Variants in MFAP3L observed in about 807,000 individuals in gnomAD.
MFAP3L encodes microfibrillar-associated protein 3-like.
A neutral mutation model predicts 20.0 loss-of-function variants in MFAP3L; 5 were observed. The ratio of observed to expected loss-of-function variants is 0.25; its 90% confidence interval spans 0.13 to 0.53. MFAP3L has a LOEUF of 0.53. Ranked by LOEUF, MFAP3L falls within the 20% of genes least tolerant of loss-of-function variation. The pLI is 0.96. For missense variants in MFAP3L, 409 were observed against 527.5 expected (o/e 0.78, Z 2.20); for synonymous variants, 219 against 213.0 (o/e 1.03, Z -0.25).
At chr4:170,022,867 C>T (rs1165709622) in intron 1 of MFAP3L, among the ~76,000 whole-genome samples, 1 of 152,176 alleles carries the variant, frequency 6.6e-6, no homozygotes, top group African/African-American at 2.4e-5. Flanking sequence ...TGCAGAGTCT[C>T]TGACTTTTGC....
intron 1 of MFAP3L, among the ~76,000 whole-genome samples, chr4:170,019,531 G>A (rs144274656): frequency 4.6e-5 from 7 of 152,262 alleles, no homozygotes; most frequent in South Asian, 4.1e-4. Context: ...GCAACAGAGC[G>A]AGACCTCATC....
At chr4:169,996,005 G>A (rs544438422) in intron 2 of MFAP3L, among the ~76,000 whole-genome samples, 2 of 51,330 alleles carry the variant, frequency 3.9e-5, no homozygotes, top group South Asian at 7.7e-4. Context: ...CTGTAGCCCC[G>A]CCACCCCCCA....
intron 1 of MFAP3L, among the ~76,000 whole-genome samples, chr4:170,023,663 G>T (rs545055370): frequency 6.6e-6 from 1 of 152,302 alleles, no homozygotes; most frequent in East Asian, 1.9e-4. Context: ...TAAGTGCTGG[G>T]TTAGATGCCA....
intron 2 of MFAP3L, among the ~76,000 whole-genome samples, chr4:169,996,723 G>T (rs779784924): frequency 2.6e-5 from 4 of 152,168 alleles, no homozygotes; most frequent in Non-Finnish European, 4.4e-5. Context: ...CTGGATTACA[G>T]GAGGACCCCC....
intron 2 of MFAP3L, among the ~76,000 whole-genome samples, chr4:170,004,801 C>A (rs1262747288): frequency 2.6e-5 from 4 of 152,094 alleles, no homozygotes; most frequent in African/African-American, 9.7e-5. Context: ...TCTTTTCACT[C>A]CCCCACCCCA....
intron 1 of MFAP3L, among the ~76,000 whole-genome samples, chr4:170,019,681 G>C (rs184471895): frequency 6.6e-6 from 1 of 152,294 alleles, no homozygotes; most frequent in Admixed American, 6.5e-5. Flanking sequence ...CCCAGAAGTG[G>C]ACAATTCTGG....
intron 1 of MFAP3L, among the ~76,000 whole-genome samples, chr4:170,015,095 T>C (rs1160047522): frequency 6.6e-6 from 1 of 152,190 alleles, no homozygotes; most frequent in Non-Finnish European, 1.5e-5. Context: ...AGAGATGGGT[T>C]GGGCTCTGAG....
At position 169,990,047 on chromosome 4, in the gene MFAP3L, C is replaced by T. The variant is rs1737547757; in HGVS notation, c.*1331G>A. ...GTTTGGTTCTGTGTGACAGTGATAC[C>T]ATTTCAACAGTGCTCAGAGCTCATG... On this transcript the variant is annotated 3_prime_UTR_variant, in exon 3 of 3. Coordinates refer to ENST00000361618, the MANE Select transcript of MFAP3L (RefSeq NM_021647.8). 1 of 152,162 alleles carries T rather than the reference C, an allele frequency of 6.6e-6. No homozygotes were observed. The highest frequency in any genetic ancestry group is 2.4e-5 in the African/African-American group (1 of 41,430). The allele number at this position is 152,162 out of a possible 1,614,324, so 9.4% of individuals were successfully genotyped here.
At chr4:170,007,481 G>T (rs1739119885) in intron 1 of MFAP3L, among the ~76,000 whole-genome samples, 1 of 152,138 alleles carries the variant, frequency 6.6e-6, no homozygotes, top group African/African-American at 2.4e-5. Flanking sequence ...TGTGTCTTGG[G>T]CAAGTACAAG....
intron 1 of MFAP3L, among the ~76,000 whole-genome samples, chr4:170,011,138 A>G (rs1224005800): frequency 1.3e-5 from 2 of 152,174 alleles, no homozygotes; most frequent in African/African-American, 4.8e-5. Context: ...GCCTTCCACC[A>G]TGATTCTGAG....
chr4:169,990,460 T>G lies in MFAP3L; in HGVS notation c.*918A>C, dbSNP rs1004991872. 6.6e-6 allele frequency: 1 copy of G among 152,632 alleles called. No homozygotes were observed. Among genetic ancestry groups the G allele is most frequent in the Non-Finnish European group, 1.5e-5 (1 of 68,036 alleles). The allele number at this position is 152,632 out of a possible 1,614,324, so 9.5% of individuals were successfully genotyped here. ...GAATCTGATGTCTTTGGAAGCAATA[T>G]ATTTTCCAGGTAAAGAATCAGTCTT... On this transcript the variant is annotated 3_prime_UTR_variant, in exon 3 of 3. Transcript: ENST00000361618.
At chr4:170,023,786 T>C (rs918752631) in intron 1 of MFAP3L, among the ~76,000 whole-genome samples, 4 of 152,246 alleles carry the variant, frequency 2.6e-5, no homozygotes, top group African/African-American at 9.6e-5. Context: ...ACAATATTTA[T>C]TTGTATTCCA....
At chr4:170,022,359 C>T (rs1028961056) in intron 1 of MFAP3L, among the ~76,000 whole-genome samples, 3 of 152,146 alleles carry the variant, frequency 2.0e-5, no homozygotes, top group Admixed American at 6.5e-5. Flanking sequence ...AATCTGGCAT[C>T]GGTCTGTTCC....
At chr4:170,005,473 A>T in intron 2 of MFAP3L, 107 bp downstream of exon 2, 1 of 1,240,358 alleles carries the variant, frequency 8.1e-7, no homozygotes, top group South Asian at 1.4e-5. Flanking sequence ...ACAAGACAAG[A>T]TGAGATCTTT....
rs1738665810 is a variant in MFAP3L at position 170,002,067 on chromosome 4, T to C, written c.298+3513A>G. On this transcript the variant is annotated intron_variant, in intron 2 of 2. Transcript: ENST00000361618. ...GACTCACCGATGATTTTTGAACGCC[T>C]TTTTGTGCATGTGCATGCCATGTAC... 4 of 985,272 alleles carry C rather than the reference T, an allele frequency of 4.1e-6. No homozygotes were observed. The South Asian group carries it at 1.9e-4, about 46-fold the overall frequency. 61.0% of individuals were successfully genotyped at this position (985,272 alleles called of 1,614,324 possible).
At chr4:169,997,785 G>GC (rs748983242) in intron 2 of MFAP3L, 16 of 977,408 alleles carry the variant, frequency 1.6e-5, no homozygotes, top group Non-Finnish European at 1.8e-5. Flanking sequence ...GCCCAGCTCG[G>GC]CCTCCTTTCA....
At chr4:169,996,174 C>T (rs1738148992) in intron 2 of MFAP3L, among the ~76,000 whole-genome samples, 1 of 138,350 alleles carries the variant, frequency 7.2e-6, no homozygotes, top group Non-Finnish European at 1.5e-5. Context: ...TGCCAGGGAC[C>T]TGTCACAGTC....
chr4:169,987,722 T>G lies in MFAP3L; in HGVS notation c.*3656A>C, dbSNP rs1183203980. On this transcript the variant is annotated 3_prime_UTR_variant, in exon 3 of 3. Transcript: ENST00000361618. ...TGTCCTTTGTACCTGATTTTCTTCA[T>G]GTGCTAAAGAGCTGAGCAGATCCTA... 1 of 152,178 alleles carries G rather than the reference T, an allele frequency of 6.6e-6. No individual in the cohort carries two copies. Among genetic ancestry groups the G allele is most frequent in the African/African-American group, 2.4e-5 (1 of 41,432 alleles). The allele number at this position is 152,178 out of a possible 1,614,324, so 9.4% of individuals were successfully genotyped here.
chr4:170,026,235 T>G lies in MFAP3L; in HGVS notation c.-135A>C. On this transcript the variant is annotated splice_region_variant and 5_prime_UTR_variant, in exon 1 of 3. Transcript: ENST00000361618. ...GGCCCGCCGGGGGCCCCCGCTAACC[T>G]GACACCGCCGCGCCACTCAGGTGGC... 1.0e-6 allele frequency: 1 copy of G among 984,394 alleles called. No individual in the cohort carries two copies. The highest frequency in any genetic ancestry group is 1.2e-6 in the Non-Finnish European group (1 of 829,606). 61.0% of individuals were successfully genotyped at this position (984,394 alleles called of 1,614,324 possible). A position where few individuals can be genotyped will look rare whatever the true frequency, so the allele number is the denominator to read the frequency against.
Sources: gnomAD v4.1 joint callset for allele counts (sites outside exome capture counted in the v4.1 genomes callset) on GRCh38, gnomAD v4.1.1 for gene constraint, MANE v1.5 for transcripts, NCBI Gene and HGNC (gene_info 2026-07-23, HGNC 2026-07-21) for gene names.